The following MAPK10 variants were observed in gnomAD, a reference collection of about 807,000 sequenced individuals.
MAPK10 encodes JNK3 alpha protein kinase.
In MAPK10, 25 loss-of-function variants were observed where a neutral mutation model predicts 59.3. The ratio of observed to expected loss-of-function variants is 0.42; its 90% CI spans 0.31 to 0.59. The LOEUF is 0.59. Among genes scored for constraint, MAPK10 ranks in the 20% least tolerant of loss-of-function variants. MAPK10 has a pLI of 0.15. For synonymous variants in MAPK10, 190 were observed against 200.5 expected, an observed-to-expected ratio of 0.95 and a Z score of 0.44; for missense variants, 351 against 568.9, an observed-to-expected ratio of 0.62 and a Z score of 3.90.
At chr4:86,410,857 A>T (rs1256837133) in intron 1 of MAPK10, among the ~76,000 whole-genome samples, 3 of 151,904 alleles carry the variant, frequency 2.0e-5, no homozygotes, top group Admixed American at 2.0e-4. Context: ...CAGCTCCTGG[A>T]TTCATTGATT....
At chr4:86,240,794 T>A (rs1424992042) in intron 2 of MAPK10, among the ~76,000 whole-genome samples, 1 of 152,178 alleles carries the variant, frequency 6.6e-6, no homozygotes, top group African/African-American at 2.4e-5. Context: ...CCTCATCCAA[T>A]TTGCCAGTCT....
chr4:86,186,173 T>C (rs1454408454), intron 3 of MAPK10, among the ~76,000 whole-genome samples: 1 of 152,136 alleles, frequency 6.6e-6, no homozygotes, highest in Non-Finnish European at 1.5e-5. Flanking sequence ...AATATAGGTA[T>C]TATTATTTCC....
intron 3 of MAPK10, among the ~76,000 whole-genome samples, chr4:86,166,045 G>A (rs1421512651): frequency 9.2e-5 from 14 of 152,076 alleles, no homozygotes; most frequent in Admixed American, 9.2e-4. Flanking sequence ...TACATATGAA[G>A]GTATGGCTTC....
chr4:86,132,160 T>A (rs1484846661), intron 4 of MAPK10, among the ~76,000 whole-genome samples: 3 of 152,222 alleles, frequency 2.0e-5, no homozygotes, highest in Non-Finnish European at 4.4e-5. Context: ...ACCTAGTTCA[T>A]AAAGGTCTCG....
intron 1 of MAPK10, among the ~76,000 whole-genome samples, chr4:86,435,949 C>A (rs1218923826): frequency 2.0e-5 from 3 of 152,136 alleles, no homozygotes; most frequent in Non-Finnish European, 2.9e-5. Context: ...CAATATCTAA[C>A]CACAAACTTA....
intron 2 of MAPK10, among the ~76,000 whole-genome samples, chr4:86,274,347 T>C (rs774616138): frequency 4.6e-5 from 7 of 152,046 alleles, no homozygotes; most frequent in South Asian, 2.1e-4. Flanking sequence ...CAAAGTGATA[T>C]AGACAAAGAA....
intron 1 of MAPK10, among the ~76,000 whole-genome samples, chr4:86,525,673 G>A (rs1158604573): frequency 2.6e-5 from 4 of 152,214 alleles, no homozygotes; most frequent in Non-Finnish European, 5.9e-5. Flanking sequence ...CACTAGAGGA[G>A]CCAGGAATGG....
chr4:86,447,947 A>G lies in MAPK10; in HGVS notation c.-122+5083T>C, dbSNP rs145192149. Among the ~76,000 whole-genome samples, 922 of 152,270 alleles carry G rather than the reference A, an allele frequency of 6.1e-3. 7 individuals are homozygous for G. The highest frequency in any genetic ancestry group is 0.02 in the African/African-American group (825 of 41,556). ...GTCAGCTCTGGAGCATGATTAAATGAATTTCAGTCCCAGCTCCTCTATTTA... is the reference window on the plus strand; with the variant it reads ...GTCAGCTCTGGAGCATGATTAAATGGATTTCAGTCCCAGCTCCTCTATTTA... On this transcript the variant is annotated intron_variant, in intron 1 of 13. Coordinates refer to the MAPK10 transcript ENST00000361569.
Position 86,014,675 on chromosome 4 carries a change from T to G in MAPK10, c.*2553A>C, listed in dbSNP as rs1489332261. ...CCATGCACAGAAGATGTAAGACTAA[T>G]TGAGCTTTGGGAAGGTACTAACAGC... is the stretch of plus-strand genomic sequence containing the variant. On this transcript the variant is annotated 3_prime_UTR_variant, in exon 14 of 14. Transcript: ENST00000641462. The G allele has an allele frequency of 6.6e-6, 1 of 152,188 alleles. No individual in the cohort carries two copies. Among genetic ancestry groups the G allele is most frequent in the Non-Finnish European group, 1.5e-5 (1 of 68,060 alleles). 9.4% of individuals were successfully genotyped at this position (152,188 alleles called of 1,614,324 possible).
chr4:86,511,580 A>T (rs1238009372), intron 1 of MAPK10, among the ~76,000 whole-genome samples: 1 of 151,808 alleles, frequency 6.6e-6, no homozygotes, highest in Admixed American at 6.6e-5. Flanking sequence ...AAAAGAAAAA[A>T]CAAGGAGGAA....
intron 1 of MAPK10, among the ~76,000 whole-genome samples, chr4:86,459,188 A>T (rs1004393931): frequency 6.6e-6 from 1 of 152,264 alleles, no homozygotes; most frequent in Non-Finnish European, 1.5e-5. Flanking sequence ...TGATCAGGGA[A>T]ATTCAAGTCA....
intron 2 of MAPK10, among the ~76,000 whole-genome samples, chr4:86,345,560 A>C (rs935820090): frequency 2.0e-5 from 3 of 152,200 alleles, no homozygotes; most frequent in African/African-American, 7.2e-5. Context: ...TTGGTGTCTT[A>C]GTCACTTTAG....
intron 1 of MAPK10, among the ~76,000 whole-genome samples, chr4:86,492,744 A>G (rs1754564139): frequency 6.6e-6 from 1 of 152,208 alleles, no homozygotes; most frequent in African/African-American, 2.4e-5. Context: ...TCCCAAGGTG[A>G]CCTTGATTTT....
At chr4:86,552,191 G>T (rs1260634381) in intron 1 of MAPK10, among the ~76,000 whole-genome samples, 2 of 151,668 alleles carry the variant, frequency 1.3e-5, no homozygotes, top group Non-Finnish European at 2.9e-5. Flanking sequence ...AGGCCGAGGC[G>T]GGAGGATCTC....
At chr4:86,355,513 A>G (rs1002140480) in intron 1 of MAPK10, among the ~76,000 whole-genome samples, 3 of 151,980 alleles carry the variant, frequency 2.0e-5, no homozygotes, top group African/African-American at 7.3e-5. Flanking sequence ...ATTTTATACC[A>G]TCTTTATTGT....
At chr4:86,412,675 C>T (rs1023856054) in intron 1 of MAPK10, among the ~76,000 whole-genome samples, 21 of 152,274 alleles carry the variant, frequency 1.4e-4, no homozygotes, top group Admixed American at 1.3e-3. Flanking sequence ...GATATCCTTT[C>T]TTCCACTTGA....
rs567938325 is a variant in MAPK10 at position 86,542,171 on chromosome 4, T to C, written c.-263+51739A>G. ...ATCCATAATGTCCAGAAAAATAACATTAAGAAGCCCAATTACATTAAAAAG... is the reference window on the plus strand; with the variant it reads ...ATCCATAATGTCCAGAAAAATAACACTAAGAAGCCCAATTACATTAAAAAG... On this transcript the variant is annotated intron_variant, in intron 1 of 4. Coordinates refer to the MAPK10 transcript ENST00000502302. Among the ~76,000 whole-genome samples, 6 of 152,246 alleles carry C rather than the reference T, an allele frequency of 3.9e-5. No individual in the cohort carries two copies. The South Asian group carries it at 1.0e-3, about 26-fold the overall frequency.
At chr4:86,362,235 A>T (rs1737120600), upstream of MAPK10, among the ~76,000 whole-genome samples, 1 of 152,144 alleles carries the variant, frequency 6.6e-6, no homozygotes, top group African/African-American at 2.4e-5. Context: ...ATGAGGAAAA[A>T]AGGAACGCCA....
chr4:86,230,202 TTTGA>T (rs1209257191), intron 2 of MAPK10, among the ~76,000 whole-genome samples: 2 of 152,226 alleles, frequency 1.3e-5, no homozygotes, highest in African/African-American at 2.4e-5. Context: ...ATATATACAA[TTTGA>T]TTGATTAAAA....
Sources: allele counts gnomAD v4.1 joint callset (sites outside exome capture counted in the v4.1 genomes callset), GRCh38; gene constraint gnomAD v4.1.1; transcripts MANE v1.5; gene names NCBI Gene and HGNC (gene_info 2026-07-23, HGNC 2026-07-21).